The following PBDC1 variants were observed in gnomAD, a reference collection of about 807,000 sequenced individuals.
PBDC1 encodes polysaccharide biosynthesis domain containing 1.
In PBDC1, 3 loss-of-function variants were observed where a neutral mutation model predicts 12.0. The ratio of observed to expected loss-of-function variants is 0.25; its 90% CI spans 0.11 to 0.64. The LOEUF (loss-of-function observed/expected upper bound fraction) is 0.64. PBDC1 is among the 30% of genes least tolerant of loss of function. PBDC1 has a pLI of 0.84. For synonymous variants in PBDC1, 64 were observed against 56.4 expected, an observed-to-expected ratio of 1.13 and a Z score of -0.60; for missense variants, 162 against 168.1, an observed-to-expected ratio of 0.96 and a Z score of 0.20.
intron 4 of PBDC1, 34 bp from the exon 5 acceptor site, chrX:76,176,825 CTTAGTACGTCAGCCTCTTGCAT>C: frequency 1.3e-6 from 1 of 779,600 alleles, no homozygotes; most frequent in African/African-American, 2.0e-5. Flanking sequence ...CTCTCCTGGC[CTTAGTACGTCAGCCTCTTGCAT>C]TTGTCAGCTA....
At chrX:76,174,836 A>G in intron 2 of PBDC1, 54 bp from the exon 3 acceptor site, 1 of 996,691 alleles carries the variant, frequency 1.0e-6, no homozygotes, top group Non-Finnish European at 1.4e-6. Flanking sequence ...TTAATTTGCT[A>G]TTCAGTAGTA....
rs782169935 is a variant in PBDC1, at chrX:76,173,109, G to T, written c.-30G>T. On this transcript the variant is annotated 5_prime_UTR_variant, in exon 1 of 6. Transcript: ENST00000373358. ...CCGGCTCAGCTTTCCAATCAGCTGC[G>T]GAAGGAGCCACGCTTTCGGGGGTTG... The T allele has an allele frequency of 6.8e-6, 8 of 1,170,662 alleles. No homozygotes were observed. The African/African-American group carries it at 1.2e-4, about 18-fold the overall frequency.
intron 4 of PBDC1, 45 bp from the exon 5 acceptor site, chrX:76,176,836 A>G: frequency 2.3e-6 from 2 of 871,077 alleles, no homozygotes; most frequent in Non-Finnish European, 3.4e-6. Context: ...TTAGTACGTC[A>G]GCCTCTTGCA....
rs367739861 is a variant in PBDC1, at chrX:76,177,851, A to G, written c.645A>G (p.Gly215=). 3 of 1,210,179 alleles carry G rather than the reference A, an allele frequency of 2.5e-6. No homozygotes were observed. Among genetic ancestry groups the G allele is most frequent in the Non-Finnish European group, 3.4e-6 (3 of 894,786 alleles). ...INREDKTDKG[G]EKGKEADKEI... is the part of the protein sequence containing the mutation. ...GAGAAGACAAAACTGACAAAGGAGG[A>G]GAAAAAGGGAAAGAAGCTGACAAAG... is the stretch of plus-strand genomic sequence containing the variant. Residue 215 remains glycine (G), a synonymous_variant, in exon 6 of 6, where the codon GGA becomes GGG. Coordinates refer to ENST00000373358, the MANE Select transcript of PBDC1 (RefSeq NM_016500.5).
intron 4 of PBDC1, among the ~76,000 whole-genome samples, chrX:76,176,151 G>GT (rs1385113024): frequency 1.7e-4 from 10 of 57,414 alleles, no homozygotes; most frequent in African/African-American, 6.0e-4. Context: ...TTTGTTTTTT[G>GT]TTTTTTGGTT....
Position 76,177,810 on chromosome X carries a change from G to C in PBDC1, c.604G>C (p.Glu202Gln). 1.7e-6 allele frequency: 2 copies of C among 1,202,630 alleles called. No individual in the cohort carries two copies. The highest frequency in any genetic ancestry group is 1.1e-6 in the Non-Finnish European group (1 of 891,190). The change falls in exon 6 of 6, where the codon GAG becomes CAG. Residue 202 changes from glutamate to glutamine, a missense_variant. By Grantham distance (29) the Glu-to-Gln change is conservative (BLOSUM62 2). Around this residue, in one of 3 missense-constraint regions of PBDC1, gnomAD observed 100 missense variants for 96.2 expected, o/e 1.04. Coordinates refer to ENST00000373358, the MANE Select transcript of PBDC1 (RefSeq NM_016500.5). ...EKGADSGEEK[E>Q]EGINREDKTD... is the part of the protein sequence containing the mutation. ...AGGAGCTGATAGTGGAGAAGAAAAA[G>C]AGGAAGGAATCAACAGAGAAGACAA... is the stretch of plus-strand genomic sequence containing the variant.
In PBDC1 at chrX:76,175,550, T is replaced by C; in HGVS notation, c.234T>C (p.Asn78=). 8.3e-7 allele frequency: 1 copy of C among 1,208,309 alleles called. No homozygotes were observed. The highest frequency in any genetic ancestry group is 1.1e-6 in the Non-Finnish European group (1 of 892,514). Residue 78 remains asparagine (N), a synonymous_variant, in exon 4 of 6, where the codon AAT becomes AAC. Transcript: ENST00000373358. ...AAATTTACTCTGAGTTCCGGAAAAATTTTGAGACCCTTAGGATAGATGTGT... is the reference window on the plus strand; with the variant it reads ...AAATTTACTCTGAGTTCCGGAAAAACTTTGAGACCCTTAGGATAGATGTGT... ...DDQIYSEFRK[N]FETLRIDVLD...
chrX:76,175,456 G>T lies in PBDC1; in HGVS notation c.157-17G>T. 1.7e-6 allele frequency: 2 copies of T among 1,201,787 alleles called. No homozygotes were observed. The highest frequency in any genetic ancestry group is 2.3e-6 in the Non-Finnish European group (2 of 887,018). On this transcript the variant is annotated splice_polypyrimidine_tract_variant and intron_variant, in intron 3 of 5. Coordinates refer to ENST00000373358, the MANE Select transcript of PBDC1 (RefSeq NM_016500.5). ...AATTACAGACTAGCATCTGTATGTT[G>T]TCTTACTGTTTCGCAGCTGATTTCA...
At position 76,173,536 on chromosome X, in the gene PBDC1, C is replaced by G. The variant is rs782282613; in HGVS notation, c.31-49C>G. 5.7e-5 allele frequency: 59 copies of G among 1,043,769 alleles called. 2 individuals carry two copies. In the East Asian group the frequency reaches 1.8e-3, roughly 33 times the overall value. 86.0% of individuals were successfully genotyped at this position (1,043,769 alleles called of 1,213,427 possible). On this transcript the variant is annotated intron_variant, in intron 1 of 5. Coordinates refer to ENST00000373358, the MANE Select transcript of PBDC1 (RefSeq NM_016500.5). Reference sequence around the variant, plus strand: ...CTGCGACTGGCCTTGGGGGGAGCCACCGCGCCCGGCCTTGGGGGGAGCCTT... The same window carrying G: ...CTGCGACTGGCCTTGGGGGGAGCCAGCGCGCCCGGCCTTGGGGGGAGCCTT...
Position 76,178,168 on chromosome X carries a change from A to G in PBDC1, c.*260A>G. ...GGCTGACACTACTGGTCAAGTAAGAAATTTGTAAATAAATTTCTTTTGGTT... is the reference window on the plus strand; with the variant it reads ...GGCTGACACTACTGGTCAAGTAAGAGATTTGTAAATAAATTTCTTTTGGTT... On this transcript the variant is annotated 3_prime_UTR_variant, in exon 6 of 6. Transcript: ENST00000373358. 1 of 369,608 alleles carries G rather than the reference A, an allele frequency of 2.7e-6. No individual in the cohort carries two copies. 30.5% of individuals were successfully genotyped at this position (369,608 alleles called of 1,213,427 possible).
Position 76,177,687 on chromosome X carries a change from A to G in PBDC1, c.481A>G (p.Ser161Gly). Residue 161 changes from serine to glycine, a missense_variant, in exon 6 of 6, where the codon AGT (serine) becomes GGT (glycine). This residue lies in a region of PBDC1 where 100 missense variants were observed against 96.2 expected (regional missense o/e 1.04). Coordinates refer to ENST00000373358, the MANE Select transcript of PBDC1 (RefSeq NM_016500.5). ...AGGCTATAACAAAGCTGTTTATATC[A>G]GTGTTCAGGACAAAGAAGGAGAGAA... ...REGYNKAVYI[S>G]VQDKEGEKGV... is the part of the protein sequence containing the mutation. 1 of 1,201,014 alleles carries G rather than the reference A, an allele frequency of 8.3e-7. No homozygotes were observed. The highest frequency in any genetic ancestry group is 1.1e-6 in the Non-Finnish European group (1 of 891,902).
At chrX:76,174,819 T>TA (rs1569277069) in intron 2 of PBDC1, 71 bp from the exon 3 acceptor site, 4 of 875,218 alleles carry the variant, frequency 4.6e-6, no homozygotes, top group African/African-American at 3.9e-5. Context: ...GACATCCACA[T>TA]ACTTCCTTAA....
chrX:76,175,372 T>G, intron 3 of PBDC1, 101 bp from the exon 4 acceptor site: 1 of 777,626 alleles, frequency 1.3e-6, no homozygotes, highest in Non-Finnish European at 1.9e-6. Flanking sequence ...TGAAGAGATC[T>G]TCTGCCCTGA....
intron 2 of PBDC1, among the ~76,000 whole-genome samples, chrX:76,174,078 T>C (rs1924728884): frequency 8.9e-6 from 1 of 112,093 alleles, no homozygotes; most frequent in South Asian, 3.7e-4. Flanking sequence ...GATGTGAGAA[T>C]AGTAAAAACA....
chrX:76,173,259 C>A, intron 1 of PBDC1, 91 bp downstream of exon 1: 1 of 869,330 alleles, frequency 1.2e-6, no homozygotes, highest in Non-Finnish European at 1.6e-6. Context: ...GTCACTCAGT[C>A]GCCCAGGCTG....
At position 76,177,715 on chromosome X, in the gene PBDC1, G is replaced by T; in HGVS notation, c.509G>T (p.Gly170Val). ...ISVQDKEGEK[G>V]VNNGGEKRAD... ...GTTCAGGACAAAGAAGGAGAGAAAG[G>T]AGTCAACAATGGAGGAGAAAAAAGA... is the stretch of plus-strand genomic sequence containing the variant. The change falls in exon 6 of 6, where the codon GGA (glycine) becomes GTA (valine). Residue 170 changes from glycine to valine, a missense_variant. Transcript: ENST00000373358. The T allele has an allele frequency of 8.3e-7, 1 of 1,209,085 alleles. No homozygotes were observed. The highest frequency in any genetic ancestry group is 1.1e-6 in the Non-Finnish European group (1 of 894,509).
intron 3 of PBDC1, 141 bp from the exon 4 acceptor site, chrX:76,175,332 T>C: frequency 3.6e-6 from 2 of 558,382 alleles, no homozygotes; most frequent in Non-Finnish European, 5.8e-6. Context: ...TGTCATGATT[T>C]CATCTAGGAT....
Position 76,175,760 on chromosome X carries a change from G to A in PBDC1, c.297+147G>A, listed in dbSNP as rs1048572156. The A allele has an allele frequency of 3.3e-5, 15 of 448,952 alleles. No individual in the cohort carries two copies. The African/African-American group carries it at 3.8e-4, about 11-fold the overall frequency. The allele number at this position is 448,952 out of a possible 1,213,427, so 37.0% of individuals were successfully genotyped here. A position where few individuals can be genotyped will look rare whatever the true frequency, so the allele number is the denominator to read the frequency against. On this transcript the variant is annotated intron_variant, in intron 4 of 5. Coordinates refer to ENST00000373358, the MANE Select transcript of PBDC1 (RefSeq NM_016500.5). ...TTTCTAGTTGTAATCAACTAAGTTA[G>A]GAAATGAATGTTTTTCCAGTTTATG...
At chrX:76,175,664 G>T (rs1556796865) in intron 4 of PBDC1, 51 bp downstream of exon 4, 1 of 971,962 alleles carries the variant, frequency 1.0e-6, no homozygotes, top group Non-Finnish European at 1.4e-6. Context: ...AACAATTTTT[G>T]ATTGCGAATG....
Sources: gnomAD v4.1 joint callset for allele counts (sites outside exome capture counted in the v4.1 genomes callset) on GRCh38, gnomAD v4.1.1 for gene constraint, gnomAD v4.1.1 regional missense constraint, MANE v1.5 for transcripts, NCBI Gene and HGNC (gene_info 2026-07-23, HGNC 2026-07-21) for gene names.